TUSC3: variants seen among roughly 807,000 people sequenced by gnomAD.
TUSC3 encodes tumor suppressor candidate 3.
A neutral mutation model predicts 44.8 loss-of-function variants in TUSC3; 45 were observed. The ratio of observed to expected loss-of-function variants is 1.00; its 90% CI spans 0.79 to 1.29. The LOEUF (loss-of-function observed/expected upper bound fraction) is 1.29. Ranked by LOEUF, TUSC3 falls within the 50% of genes most tolerant of loss-of-function variation. TUSC3 has a pLI of 0.00. For synonymous variants in TUSC3, 212 were observed against 152.9 expected, an observed-to-expected ratio of 1.39 and a Z score of -2.85; for missense variants, 519 against 437.9, an observed-to-expected ratio of 1.19 and a Z score of -1.65.
At chr8:15,641,849 A>C (rs1224129353) in intron 2 of TUSC3, among the ~76,000 whole-genome samples, 3 of 152,216 alleles carry the variant, frequency 2.0e-5, no homozygotes, top group African/African-American at 7.2e-5. Flanking sequence ...TGGTTATTTT[A>C]TATGTATCTA....
chr8:15,803,392 G>A, the TUSC3 span, among the ~76,000 whole-genome samples: 56 of 152,140 alleles, frequency 3.7e-4, no homozygotes, highest in African/African-American at 1.3e-3. Context: ...TTCAACATGC[G>A]CTATAATTTC....
chr8:15,749,934 G>GTATC (rs934976156), intron 9 of TUSC3, among the ~76,000 whole-genome samples: 9 of 147,568 alleles, frequency 6.1e-5, no homozygotes, highest in Admixed American at 5.5e-4. Context: ...AGGAAATGTT[G>GTATC]TATCTCTTTT....
chr8:15,554,332 T>C (rs573359253), intron 1 of TUSC3, among the ~76,000 whole-genome samples: 2 of 151,816 alleles, frequency 1.3e-5, no homozygotes, highest in East Asian at 3.9e-4. Context: ...ATGTGTGTCA[T>C]TGCTAGGCAG....
chr8:15,570,936 C>G (rs917049457), intron 1 of TUSC3, among the ~76,000 whole-genome samples: 4 of 60,458 alleles, frequency 6.6e-5, no homozygotes, highest in Admixed American at 3.3e-4. Flanking sequence ...ACTTTGCTTT[C>G]TATTCCATTG....
intron 1 of TUSC3, among the ~76,000 whole-genome samples, chr8:15,616,421 T>C (rs965161484): frequency 1.3e-5 from 2 of 151,816 alleles, no homozygotes; most frequent in African/African-American, 4.8e-5. Flanking sequence ...TTACTAAAAA[T>C]ACAAAAATTA....
At chr8:15,824,975 CT>C in the TUSC3 span, among the ~76,000 whole-genome samples, 1 of 152,174 alleles carries the variant, frequency 6.6e-6, no homozygotes. Flanking sequence ...AAACTAGACA[CT>C]TGAGACAAAA....
chr8:15,639,285 A>C (rs572455479), intron 2 of TUSC3, among the ~76,000 whole-genome samples: 77 of 145,582 alleles, frequency 5.3e-4, no homozygotes, highest in African/African-American at 1.7e-3. Context: ...TGATGTTCAG[A>C]GCTTCAGTGA....
In TUSC3 at chr8:15,530,315, T is replaced by A. The variant is rs534010823; in HGVS notation, n.189+46832T>A. Among the ~76,000 whole-genome samples, 6 of 152,254 alleles carry A rather than the reference T, an allele frequency of 3.9e-5. No homozygotes were observed. The East Asian group carries it at 1.2e-3, about 30-fold the overall frequency. On this transcript the variant is annotated intron_variant and non_coding_transcript_variant, in intron 2 of 5. Transcript: ENST00000503191. Reference sequence around the variant, plus strand: ...CATTTCTTTCTTGCCCCTACTCCTGTGTTTACCCTAGTGTCTGGCATAGTG... The same window carrying A: ...CATTTCTTTCTTGCCCCTACTCCTGAGTTTACCCTAGTGTCTGGCATAGTG...
intron 2 of TUSC3, among the ~76,000 whole-genome samples, chr8:15,641,178 G>A (rs918216328): frequency 2.0e-5 from 3 of 151,562 alleles, no homozygotes; most frequent in African/African-American, 7.3e-5. Flanking sequence ...GGCCAACATG[G>A]TGAAACCCCT....
At chr8:15,621,094 C>A (rs1466567330) in intron 1 of TUSC3, among the ~76,000 whole-genome samples, 1 of 151,852 alleles carries the variant, frequency 6.6e-6, no homozygotes, top group Non-Finnish European at 1.5e-5. Flanking sequence ...CTTCTGCCCT[C>A]ATTAGTGGAT....
intron 6 of TUSC3, chr8:15,689,192 G>T: frequency 5.4e-6 from 2 of 368,292 alleles, no homozygotes; most frequent in South Asian, 2.4e-5. Flanking sequence ...AAGCAGCAAG[G>T]GCTGCTAAGC....
At chr8:15,763,605 C>A (rs893095701) in intron 10 of TUSC3, among the ~76,000 whole-genome samples, 21 of 151,754 alleles carry the variant, frequency 1.4e-4, no homozygotes, top group African/African-American at 4.1e-4. Context: ...TACCATCTTA[C>A]AAAATTAAAT....
rs1266243627 is a variant in TUSC3 at position 15,456,380 on chromosome 8, T to C, written n.92-27006T>C. 4.6e-5 allele frequency among the ~76,000 whole-genome samples: 7 copies of C among 152,122 alleles called. No homozygotes were observed. In the East Asian group the frequency reaches 1.4e-3, roughly 29 times the overall value. On this transcript the variant is annotated intron_variant and non_coding_transcript_variant, in intron 1 of 5. Coordinates refer to the TUSC3 transcript ENST00000503191. ...TGAACCTCTTGACTGGAAGGAAAAATAAAAGCAAATTAAATAGAAAAAATA... is the reference window on the plus strand; with the variant it reads ...TGAACCTCTTGACTGGAAGGAAAAACAAAAGCAAATTAAATAGAAAAAATA...
At chr8:15,468,036 A>C (rs991016283) in intron 1 of TUSC3, among the ~76,000 whole-genome samples, 1 of 152,212 alleles carries the variant, frequency 6.6e-6, no homozygotes. Flanking sequence ...TAGGTAAAAT[A>C]CTGATTAGTA....
intron 2 of TUSC3, among the ~76,000 whole-genome samples, chr8:15,512,698 G>C (rs966887516): frequency 6.6e-6 from 1 of 151,624 alleles, no homozygotes; most frequent in South Asian, 2.1e-4. Flanking sequence ...GCTTGAACCC[G>C]GGAGGGAGAG....
the TUSC3 span, among the ~76,000 whole-genome samples, chr8:15,849,797 G>T: frequency 2.8e-4 from 31 of 112,062 alleles, no homozygotes; most frequent in Non-Finnish European, 5.6e-4. Context: ...CCTTCTGTTA[G>T]GTTGAAGCCT....
intron 1 of TUSC3, among the ~76,000 whole-genome samples, chr8:15,575,053 C>G (rs1403238062): frequency 1.3e-5 from 2 of 152,030 alleles, no homozygotes; most frequent in African/African-American, 4.8e-5. Context: ...TTTATACTGA[C>G]TATAAACTTA....
chr8:15,632,108 A>G (rs1445304668), intron 2 of TUSC3, among the ~76,000 whole-genome samples: 1 of 152,222 alleles, frequency 6.6e-6, no homozygotes, highest in Middle Eastern at 3.4e-3. Flanking sequence ...TAAATTTTGC[A>G]TTTGTCTCCA....
At chr8:15,730,601 C>T (rs372183872) in intron 6 of TUSC3, 65 bp from the exon 7 acceptor site, 3 of 1,522,312 alleles carry the variant, frequency 2.0e-6, no homozygotes, top group South Asian at 2.3e-5. Context: ...ATCTTCATGA[C>T]TTAAAACTAC....
Sources: allele counts gnomAD v4.1 joint callset (sites outside exome capture counted in the v4.1 genomes callset), GRCh38; gene constraint gnomAD v4.1.1; transcripts MANE v1.5; gene names NCBI Gene and HGNC (gene_info 2026-07-23, HGNC 2026-07-21).